Variants in FAM120C observed in about 807,000 individuals in gnomAD.
FAM120C encodes the protein constitutive coactivator of PPAR-gamma-like protein 2.
Under a neutral mutation model 71.2 loss-of-function variants are expected in FAM120C, and 14 were observed. The ratio of observed to expected loss-of-function variants is 0.20; its 90% confidence interval spans 0.13 to 0.31. The LOEUF (loss-of-function observed/expected upper bound fraction) is 0.31, where lower values mean the gene tolerates loss of function less well. FAM120C is among the 10% of genes least tolerant of loss of function. The pLI is 1.00. For synonymous variants in FAM120C, 354 were observed against 353.2 expected (o/e 1.00, Z -0.03); for missense variants, 500 against 879.0 (o/e 0.57, Z 5.45).
intron 1 of FAM120C, among the ~76,000 whole-genome samples, chrX:54,165,717 T>C: frequency 9.1e-6 from 1 of 110,113 alleles, no homozygotes; most frequent in East Asian, 2.8e-4. Context: ...GTAGCGGTTG[T>C]AGTGAGCCAA....
chrX:54,147,848 C>G (rs1434436319), intron 4 of FAM120C, among the ~76,000 whole-genome samples: 3 of 110,557 alleles, frequency 2.7e-5, no homozygotes, highest in African/African-American at 9.9e-5. Context: ...GCACGCGCCA[C>G]CATGCCCAGC....
chrX:54,144,959 A>G (rs2067147164), intron 4 of FAM120C, among the ~76,000 whole-genome samples: 1 of 111,906 alleles, frequency 8.9e-6, no homozygotes, highest in African/African-American at 3.2e-5. Flanking sequence ...TACTGGTACC[A>G]AAACAACGAT....
intron 9 of FAM120C, among the ~76,000 whole-genome samples, chrX:54,117,187 C>T (rs782031110): frequency 9.6e-6 from 1 of 104,572 alleles, no homozygotes; most frequent in East Asian, 3.1e-4. Flanking sequence ...GGAGAGATCC[C>T]ACCTCCACAG....
chrX:54,164,958 G>A (rs782487045), intron 1 of FAM120C, among the ~76,000 whole-genome samples: 1 of 111,493 alleles, frequency 9.0e-6, no homozygotes, highest in South Asian at 3.8e-4. Context: ...CCATCCTAAT[G>A]AGTGTGAGGT....
chrX:54,166,034 CA>C (rs1488422177), intron 1 of FAM120C, among the ~76,000 whole-genome samples: 2 of 109,675 alleles, frequency 1.8e-5, no homozygotes, highest in Non-Finnish European at 3.8e-5. Context: ...TGACAATCTG[CA>C]AAAAAATTTG....
intron 1 of FAM120C, among the ~76,000 whole-genome samples, chrX:54,173,616 C>T (rs1569533922): frequency 8.9e-6 from 1 of 112,571 alleles, no homozygotes; most frequent in Admixed American, 9.4e-5. Context: ...TCAACAGACA[C>T]ATTTTATTTA....
At chrX:54,100,079 A>G (rs782458689) in intron 10 of FAM120C, among the ~76,000 whole-genome samples, 1 of 112,077 alleles carries the variant, frequency 8.9e-6, no homozygotes, top group Non-Finnish European at 1.9e-5. Flanking sequence ...AAGATCTTAG[A>G]ATTGGCCTGT....
intron 8 of FAM120C, among the ~76,000 whole-genome samples, chrX:54,133,383 A>G (rs2067078158): frequency 8.9e-6 from 1 of 112,449 alleles, no homozygotes; most frequent in African/African-American, 3.2e-5. Flanking sequence ...TGAATGGGGA[A>G]AGTCCACCTT....
intron 4 of FAM120C, among the ~76,000 whole-genome samples, chrX:54,147,833 T>G (rs998633077): frequency 8.1e-5 from 9 of 110,899 alleles, no homozygotes; most frequent in South Asian, 3.9e-4. Flanking sequence ...TAGCTGGGAT[T>G]ACAGGCACGC....
At chrX:54,117,382 A>C (rs1215310716) in intron 9 of FAM120C, among the ~76,000 whole-genome samples, 13 of 100,747 alleles carry the variant, frequency 1.3e-4, no homozygotes, top group East Asian at 6.2e-4. Flanking sequence ...AATAAAATAA[A>C]ATAAAATAAA....
intron 10 of FAM120C, among the ~76,000 whole-genome samples, chrX:54,109,013 G>A (rs782292481): frequency 9.8e-4 from 54 of 54,884 alleles, no homozygotes; most frequent in Non-Finnish European, 1.7e-3. Context: ...TTTATCCACA[G>A]TGTGGCAGTA....
intron 4 of FAM120C, among the ~76,000 whole-genome samples, chrX:54,142,362 C>T (rs961634547): frequency 2.7e-5 from 3 of 111,910 alleles, no homozygotes; most frequent in Admixed American, 9.5e-5. Flanking sequence ...CCTGGAAAAT[C>T]GGGACACTCC....
At chrX:54,160,558 C>T (rs1440199702) in intron 1 of FAM120C, among the ~76,000 whole-genome samples, 1 of 111,484 alleles carries the variant, frequency 9.0e-6, no homozygotes, top group African/African-American at 3.3e-5. Flanking sequence ...TCTTCCTGTA[C>T]ATGCCTCTAT....
intron 10 of FAM120C, among the ~76,000 whole-genome samples, chrX:54,098,884 G>T (rs1259893283): frequency 9.0e-6 from 1 of 111,633 alleles, no homozygotes; most frequent in Non-Finnish European, 1.9e-5. Flanking sequence ...CTCCGAAAGT[G>T]CTGGTATTAC....
chrX:54,127,807 T>C (rs980975366), intron 9 of FAM120C, among the ~76,000 whole-genome samples: 1 of 109,519 alleles, frequency 9.1e-6, no homozygotes, highest in Non-Finnish European at 1.9e-5. Context: ...TTGCCCAGGC[T>C]GGTCTCAAAC....
chrX:54,179,601 G>A (rs963694125), intron 1 of FAM120C, among the ~76,000 whole-genome samples: 3 of 111,882 alleles, frequency 2.7e-5, no homozygotes, highest in Non-Finnish European at 5.6e-5. Flanking sequence ...AGAACCGAGA[G>A]AGAACTTCAC....
At chrX:54,087,020 T>C (rs1344277567) in intron 12 of FAM120C, among the ~76,000 whole-genome samples, 1 of 110,062 alleles carries the variant, frequency 9.1e-6, no homozygotes, top group African/African-American at 3.3e-5. Flanking sequence ...TAAGGTTTCC[T>C]TTCCCTTGCC....
intron 1 of FAM120C, among the ~76,000 whole-genome samples, chrX:54,180,038 C>A (rs782794418): frequency 8.9e-6 from 1 of 112,127 alleles, no homozygotes; most frequent in Non-Finnish European, 1.9e-5. Flanking sequence ...TCTATTCAAT[C>A]CATCTTTTTT....
chrX:54,176,304 G>A (rs181773703), intron 1 of FAM120C, among the ~76,000 whole-genome samples: 2 of 109,592 alleles, frequency 1.8e-5, no homozygotes, highest in African/African-American at 6.7e-5. Flanking sequence ...GTAGTGGCAC[G>A]CACCTGCAGT....
Sources: gnomAD v4.1 joint callset for allele counts (sites outside exome capture counted in the v4.1 genomes callset) on GRCh38, gnomAD v4.1.1 for gene constraint, MANE v1.5 for transcripts, NCBI Gene and HGNC (gene_info 2026-07-23, HGNC 2026-07-21) for gene names.